Variants in SEC22A observed in about 807,000 individuals in gnomAD.
The protein encoded by SEC22A is SEC22 homolog A, vesicle trafficking protein.
SEC22A carries 22 observed loss-of-function variants against 35.3 expected under a neutral mutation model. The ratio of observed to expected loss-of-function variants is 0.62; its 90% confidence interval spans 0.45 to 0.89. The LOEUF (loss-of-function observed/expected upper bound fraction) is 0.89, where lower values mean the gene tolerates loss of function less well. Ranked by LOEUF, SEC22A falls within the 40% of genes least tolerant of loss-of-function variation. The pLI is 0.00. For synonymous variants in SEC22A, 119 were observed against 129.5 expected (o/e 0.92, Z 0.55); for missense variants, 354 against 362.5 (o/e 0.98, Z 0.19).
intron 6 of SEC22A, among the ~76,000 whole-genome samples, chr3:123,270,248 T>C (rs936500742): frequency 2.0e-5 from 3 of 151,870 alleles, no homozygotes; most frequent in African/African-American, 7.3e-5. Flanking sequence ...AAGCTATTTT[T>C]TTCTATTTTT....
Position 123,225,197 on chromosome 3 carries a change from G to C in SEC22A, c.441G>C (p.Leu147=). ...NLSDMQTEIK[L]RPPYQISMCE... Reference sequence around the variant, plus strand: ...CTGACATGCAGACGGAAATCAAGCTGAGGCCTCCTTATCAAATTTCCATGT... The same window carrying C: ...CTGACATGCAGACGGAAATCAAGCTCAGGCCTCCTTATCAAATTTCCATGT... Residue 147 remains leucine, a synonymous_variant, in exon 4 of 7, where the codon CTG becomes CTC. Transcript: ENST00000492595. 1 of 1,613,462 alleles carries C rather than the reference G, an allele frequency of 6.2e-7. No homozygotes were observed. Among genetic ancestry groups the C allele is most frequent in the Non-Finnish European group, 8.5e-7 (1 of 1,179,454 alleles).
At chr3:123,227,408 A>G (rs1160608903) in intron 4 of SEC22A, among the ~76,000 whole-genome samples, 1 of 151,936 alleles carries the variant, frequency 6.6e-6, no homozygotes, top group Non-Finnish European at 1.5e-5. Context: ...TTCACCAATG[A>G]GAACACATGG....
chr3:123,243,320 A>T (rs1331598480), intron 4 of SEC22A, among the ~76,000 whole-genome samples: 3 of 152,174 alleles, frequency 2.0e-5, no homozygotes, highest in Admixed American at 6.6e-5. Context: ...TGTTGGAAGG[A>T]TACAGTGAGA....
chr3:123,259,073 AATCAT>A (rs1375238192), intron 5 of SEC22A, among the ~76,000 whole-genome samples: 2 of 152,248 alleles, frequency 1.3e-5, no homozygotes, highest in Non-Finnish European at 2.9e-5. Flanking sequence ...TTTTTAAAAA[AATCAT>A]ATCAAATTAC....
chr3:123,235,579 G>A (rs929611248), intron 4 of SEC22A, among the ~76,000 whole-genome samples: 1 of 152,216 alleles, frequency 6.6e-6, no homozygotes, highest in African/African-American at 2.4e-5. Context: ...TACTTTGCCA[G>A]TGGGGTTGTA....
At chr3:123,204,704 T>C (rs1265466247) in intron 1 of SEC22A, 3 of 152,244 alleles carry the variant, frequency 2.0e-5, no homozygotes, top group African/African-American at 7.2e-5. Context: ...CTTGTGCTTT[T>C]TCCTCCAACA....
chr3:123,250,484 T>C (rs1207741120), intron 5 of SEC22A, among the ~76,000 whole-genome samples: 1 of 152,140 alleles, frequency 6.6e-6, no homozygotes, highest in African/African-American at 2.4e-5. Context: ...GGCTTTGATA[T>C]TCTTTAGTTA....
intron 2 of SEC22A, among the ~76,000 whole-genome samples, chr3:123,222,643 A>G (rs1376831564): frequency 6.6e-6 from 1 of 152,222 alleles, no homozygotes; most frequent in African/African-American, 2.4e-5. Flanking sequence ...CAAATTATGC[A>G]TTCTCAGAAT....
Position 123,271,511 on chromosome 3 carries a change from A to G in SEC22A, c.724-11A>G, listed in dbSNP as rs374593759. 1.2e-6 allele frequency: 2 copies of G among 1,606,656 alleles called. No individual in the cohort carries two copies. The highest frequency in any genetic ancestry group is 8.5e-7 in the Non-Finnish European group (1 of 1,176,340). On this transcript the variant is annotated splice_polypyrimidine_tract_variant and intron_variant, in intron 6 of 6. Coordinates refer to ENST00000492595, the MANE Select transcript of SEC22A (RefSeq NM_012430.5). ...AACCCTAATCATCTTTCATTTTTAT[A>G]TTTTGAACAGTGTTATTTACTTGTC...
chr3:123,203,379 G>A (rs775278664), intron 1 of SEC22A, among the ~76,000 whole-genome samples: 6 of 152,096 alleles, frequency 3.9e-5, no homozygotes, highest in Non-Finnish European at 8.8e-5. Flanking sequence ...TCCATGGAGA[G>A]TAATCAATAA....
intron 2 of SEC22A, among the ~76,000 whole-genome samples, chr3:123,223,269 T>G (rs1312457173): frequency 6.6e-6 from 1 of 152,216 alleles, no homozygotes; most frequent in Non-Finnish European, 1.5e-5. Flanking sequence ...TTACAATACA[T>G]TTGTATATCC....
chr3:123,228,876 CTAGAAGGGCGTAACA>C (rs1226596842), intron 4 of SEC22A, among the ~76,000 whole-genome samples: 4 of 151,934 alleles, frequency 2.6e-5, no homozygotes, highest in African/African-American at 7.3e-5. Context: ...GAAAAATTCA[CTAGAAGGGCGTAACA>C]ATAGATTTGA....
chr3:123,225,336 C>T, intron 4 of SEC22A, 39 bp downstream of exon 4: 1 of 1,318,054 alleles, frequency 7.6e-7, no homozygotes, highest in South Asian at 1.5e-5. Context: ...TTAAAAAAAT[C>T]CTTGGGAAAA....
chr3:123,226,461 T>C (rs1937219281), intron 4 of SEC22A, among the ~76,000 whole-genome samples: 2 of 152,250 alleles, frequency 1.3e-5, no homozygotes, highest in Non-Finnish European at 2.9e-5. Flanking sequence ...GTTGAGCACC[T>C]TTTCATATAC....
chr3:123,222,063 TTATC>T (rs752760944), intron 2 of SEC22A, among the ~76,000 whole-genome samples: 7 of 152,190 alleles, frequency 4.6e-5, no homozygotes, highest in Non-Finnish European at 7.3e-5. Flanking sequence ...CTACCATACT[TTATC>T]TACTCTACTG....
chr3:123,237,676 A>G (rs1937445824), intron 4 of SEC22A, among the ~76,000 whole-genome samples: 1 of 152,256 alleles, frequency 6.6e-6, no homozygotes, highest in Admixed American at 6.5e-5. Flanking sequence ...GGATTCAGGT[A>G]TATAACCTAA....
At chr3:123,224,250 C>T (rs925034597) in intron 3 of SEC22A, among the ~76,000 whole-genome samples, 9 of 149,388 alleles carry the variant, frequency 6.0e-5, no homozygotes, top group African/African-American at 2.3e-4. Flanking sequence ...GTTTGCTCAA[C>T]TTCTGATGTA....
At chr3:123,210,433 A>T (rs1041553119) in intron 2 of SEC22A, among the ~76,000 whole-genome samples, 2 of 152,232 alleles carry the variant, frequency 1.3e-5, no homozygotes, top group Non-Finnish European at 2.9e-5. Flanking sequence ...AATGTAGCTG[A>T]AATGAGCAAG....
intron 4 of SEC22A, among the ~76,000 whole-genome samples, chr3:123,242,343 G>T (rs1242551214): frequency 1.3e-5 from 2 of 151,968 alleles, no homozygotes; most frequent in Non-Finnish European, 2.9e-5. Context: ...GTTTCTTCCT[G>T]TGGATCTGTT....
Sources: allele counts gnomAD v4.1 joint callset (sites outside exome capture counted in the v4.1 genomes callset), GRCh38; gene constraint gnomAD v4.1.1; transcripts MANE v1.5; gene names NCBI Gene and HGNC (gene_info 2026-07-23, HGNC 2026-07-21).